DNAH9: variants seen among roughly 807,000 people sequenced by gnomAD.
DNAH9 encodes dynein axonemal heavy chain 9, also known as DNAH9 variant protein.
A neutral mutation model predicts 471.6 loss-of-function variants in DNAH9; 345 were observed. The observed-to-expected ratio is 0.73, with a 90% CI of 0.67 to 0.80. The LOEUF is 0.80. DNAH9 is among the 30% of genes least tolerant of loss of function. The pLI is 0.00. For synonymous variants in DNAH9, 2,093 were observed against 2,123.6 expected (o/e 0.99, Z 0.40); for missense variants, 5,407 against 5,609.2 (o/e 0.96, Z 1.15).
At chr17:11,876,218 A>T (rs374458583) in intron 53 of DNAH9, among the ~76,000 whole-genome samples, 49 of 152,302 alleles carry the variant, frequency 3.2e-4, no homozygotes, top group African/African-American at 1.1e-3. Flanking sequence ...ACAAAATGTG[A>T]TGTACACATG....
chr17:11,876,279 T>C (rs924471059), intron 53 of DNAH9, among the ~76,000 whole-genome samples: 3 of 152,028 alleles, frequency 2.0e-5, no homozygotes, highest in African/African-American at 7.2e-5. Context: ...AAGAGCATAA[T>C]TAGATTGTGA....
At chr17:11,703,510 A>G (rs1394588933) in intron 24 of DNAH9, among the ~76,000 whole-genome samples, 1 of 152,202 alleles carries the variant, frequency 6.6e-6, no homozygotes, top group African/African-American at 2.4e-5. Context: ...CAGATGAGCA[A>G]TGGATCTAAA....
intron 45 of DNAH9, among the ~76,000 whole-genome samples, chr17:11,815,781 C>G (rs1012931071): frequency 6.6e-6 from 1 of 152,176 alleles, no homozygotes; most frequent in African/African-American, 2.4e-5. Flanking sequence ...AGAGCAAGAC[C>G]ATGTCTCCAA....
intron 28 of DNAH9, among the ~76,000 whole-genome samples, chr17:11,732,012 A>G (rs2075278495): frequency 6.6e-6 from 1 of 152,134 alleles, no homozygotes; most frequent in Non-Finnish European, 1.5e-5. Flanking sequence ...TACAGTTCTC[A>G]CAGGTCTTCT....
chr17:11,796,753 C>T (rs1013116668), intron 42 of DNAH9, among the ~76,000 whole-genome samples: 3 of 152,198 alleles, frequency 2.0e-5, no homozygotes, highest in Middle Eastern at 3.2e-3. Context: ...CTTTTCTCCT[C>T]GACAACCTTT....
At chr17:11,767,412 A>G (rs1377605869) in intron 36 of DNAH9, among the ~76,000 whole-genome samples, 3 of 152,172 alleles carry the variant, frequency 2.0e-5, no homozygotes, top group Non-Finnish European at 4.4e-5. Context: ...TTCTTATCTT[A>G]CCACCCATTT....
chr17:11,933,412 C>T (rs1342863415), intron 64 of DNAH9, among the ~76,000 whole-genome samples: 3 of 151,656 alleles, frequency 2.0e-5, no homozygotes, highest in Middle Eastern at 3.4e-3. Context: ...TGGAGTTTCG[C>T]TCTTGTTGCC....
At chr17:11,737,770 A>T (rs1214754586) in intron 28 of DNAH9, among the ~76,000 whole-genome samples, 1 of 152,132 alleles carries the variant, frequency 6.6e-6, no homozygotes, top group Non-Finnish European at 1.5e-5. Context: ...CTAAAGAAAA[A>T]AGCACTAACA....
At chr17:11,968,781 GA>G (rs1345751925) in intron 68 of DNAH9, among the ~76,000 whole-genome samples, 3 of 152,144 alleles carry the variant, frequency 2.0e-5, no homozygotes, top group African/African-American at 7.2e-5. Context: ...GAAAGCTACA[GA>G]ATACTCAGGT....
At position 11,689,782 on chromosome 17, in the gene DNAH9, G is replaced by C. The variant is rs925988476; in HGVS notation, c.3960G>C (p.Glu1320Asp). 1 of 1,614,110 alleles carries C rather than the reference G, an allele frequency of 6.2e-7. No individual in the cohort carries two copies. Among genetic ancestry groups the C allele is most frequent in the African/African-American group, 1.3e-5 (1 of 74,960 alleles). The change falls in exon 20 of 69, where the codon GAG becomes GAC. Residue 1320 changes from glutamate to aspartate, a missense_variant. Transcript: ENST00000262442. ...GMVTSSIHAW[E>D]TTPWRNINVE... ...TGACCTCCAGCATCCATGCCTGGGA[G>C]ACCACACCCTGGAGGAATATCAACG... is the stretch of plus-strand genomic sequence containing the variant.
At position 11,608,143 on chromosome 17, in the gene DNAH9, C is replaced by G. The variant is rs1425991715; in HGVS notation, c.432C>G (p.Val144=). The G allele has an allele frequency of 8.1e-6, 13 of 1,607,506 alleles. No individual in the cohort carries two copies. In the East Asian group the frequency reaches 2.9e-4, roughly 36 times the overall value. Residue 144 remains valine (V), a synonymous_variant, in exon 2 of 69, where the codon GTC becomes GTG. Transcript: ENST00000262442. ...CTCTGTTCCAGGTTGTTCTACCCGT[C>G]CTGGCCAATGAGAAGAATCGCCTAA... ...AALFSEVVLP[V]LANEKNRLNW... is the part of the protein sequence containing the mutation.
intron 27 of DNAH9, among the ~76,000 whole-genome samples, chr17:11,725,993 A>G (rs1223292469): frequency 6.6e-6 from 1 of 152,180 alleles, no homozygotes; most frequent in East Asian, 1.9e-4. Flanking sequence ...AAGATCCCTC[A>G]TAGTAATTCA....
chr17:11,730,575 C>T (rs141698294), intron 28 of DNAH9, among the ~76,000 whole-genome samples: 4 of 152,168 alleles, frequency 2.6e-5, no homozygotes, highest in African/African-American at 9.7e-5. Context: ...AGCTGTGTGA[C>T]CTTGAGCATA....
At chr17:11,738,852 A>G (rs777205608) in intron 28 of DNAH9, 28 bp from the exon 29 acceptor site, 1 of 1,610,488 alleles carries the variant, frequency 6.2e-7, no homozygotes, top group South Asian at 1.1e-5. Flanking sequence ...CAATTGAGGA[A>G]TTTCTCGCTG....
At chr17:11,610,298 A>T (rs1485662741) in intron 2 of DNAH9, 98 bp from the exon 3 acceptor site, 1 of 943,732 alleles carries the variant, frequency 1.1e-6, no homozygotes, top group Non-Finnish European at 1.5e-6. Context: ...CTATTTTTTT[A>T]AATTTGGGAT....
chr17:11,721,759 G>C (rs189829411), intron 27 of DNAH9, among the ~76,000 whole-genome samples: 27 of 152,246 alleles, frequency 1.8e-4, no homozygotes, highest in Admixed American at 4.6e-4. Context: ...AAGGATATAT[G>C]ATATCATCAG....
chr17:11,856,681 G>A (rs1392698919), intron 50 of DNAH9, among the ~76,000 whole-genome samples: 4 of 151,866 alleles, frequency 2.6e-5, no homozygotes, highest in African/African-American at 9.7e-5. Flanking sequence ...ACTCCAGCCT[G>A]GGCAACACAG....
rs140741152 is a variant in DNAH9, at chr17:11,670,040, A to G, written c.3353+246A>G. On this transcript the variant is annotated intron_variant, in intron 17 of 68. Transcript: ENST00000262442. ...CCAGTGTGTGAAAGGCACGTGGTTA[A>G]GTGGTAAGGAATATTAGAGACAATA... Among the ~76,000 whole-genome samples, 521 of 152,254 alleles carry G rather than the reference A, an allele frequency of 3.4e-3. 4 individuals carry two copies. The highest frequency in any genetic ancestry group is 0.012 in the African/African-American group (484 of 41,538).
At chr17:11,849,909 C>T (rs1055400533) in intron 49 of DNAH9, among the ~76,000 whole-genome samples, 1 of 152,002 alleles carries the variant, frequency 6.6e-6, no homozygotes, top group Non-Finnish European at 1.5e-5. Flanking sequence ...CATATTGATT[C>T]ATTCATTTAT....
Sources: gnomAD v4.1 joint callset for allele counts (sites outside exome capture counted in the v4.1 genomes callset) on GRCh38, gnomAD v4.1.1 for gene constraint, MANE v1.5 for transcripts, NCBI Gene and HGNC (gene_info 2026-07-23, HGNC 2026-07-21) for gene names.